CACNG4: variants seen among roughly 807,000 people sequenced by gnomAD.
The protein encoded by CACNG4 is calcium voltage-gated channel auxiliary subunit gamma 4.
A neutral mutation model predicts 22.9 loss-of-function variants in CACNG4; 8 were observed. That is an observed-to-expected ratio of 0.35 (90% CI 0.21 to 0.63). CACNG4 has a LOEUF of 0.63. Among genes scored for constraint, CACNG4 ranks in the 30% least tolerant of loss-of-function variants. The pLI is 0.72. For missense variants in CACNG4, 357 were observed against 455.4 expected, an observed-to-expected ratio of 0.78 and a Z score of 1.97; for synonymous variants, 188 against 191.9, an observed-to-expected ratio of 0.98 and a Z score of 0.17.
At chr17:66,988,632 C>T (rs569087319) in intron 1 of CACNG4, among the ~76,000 whole-genome samples, 1 of 152,222 alleles carries the variant, frequency 6.6e-6, no homozygotes, top group Non-Finnish European at 1.5e-5. Flanking sequence ...CTCATGGTCT[C>T]TGCTGCTCTC....
intron 3 of CACNG4, among the ~76,000 whole-genome samples, chr17:67,025,701 C>T (rs571070826): frequency 6.6e-6 from 1 of 152,388 alleles, no homozygotes; most frequent in East Asian, 1.9e-4. Context: ...TGACATGCCA[C>T]CTTGGCTGAA....
chr17:67,021,043 A>T (rs2035528420), intron 2 of CACNG4, among the ~76,000 whole-genome samples: 1 of 152,184 alleles, frequency 6.6e-6, no homozygotes, highest in Non-Finnish European at 1.5e-5. Flanking sequence ...TACAAAAAAT[A>T]AAAATAAATT....
rs151224615 is a variant in CACNG4, at chr17:67,026,517, A to G, written c.445+1517A>G. On this transcript the variant is annotated intron_variant, in intron 3 of 3. Coordinates refer to ENST00000262138, the MANE Select transcript of CACNG4 (RefSeq NM_014405.4). ...TGAGGAATGTGGTGTATGTGTGTGT[A>G]TTTGAGGACTGTGGGGTGTGTATGT... Among the ~76,000 whole-genome samples the G allele has an allele frequency of 1.0e-2, 1,070 of 107,222 alleles. 15 individuals are homozygous for G. The highest frequency in any genetic ancestry group is 0.046 in the African/African-American group (967 of 21,108). The allele number at this position is 107,222 out of a possible 152,430, so 70.3% of individuals were successfully genotyped here. A position where few individuals can be genotyped will look rare whatever the true frequency, so the allele number is the denominator to read the frequency against.
chr17:66,996,873 T>C (rs969003054), intron 1 of CACNG4, among the ~76,000 whole-genome samples: 2 of 152,198 alleles, frequency 1.3e-5, no homozygotes, highest in Admixed American at 1.3e-4. Context: ...GACAGGTCCC[T>C]GAGGGCTTCT....
chr17:67,030,662 G>T lies in CACNG4; in HGVS notation c.642G>T (p.Arg214Ser). The T allele has an allele frequency of 6.2e-7, 1 of 1,614,224 alleles. No homozygotes were observed. The highest frequency in any genetic ancestry group is 1.1e-5 in the South Asian group (1 of 91,084). ...NIYIEKNKEL[R>S]FKTKREFLKA... ...ACATTGAGAAAAATAAAGAGTTGAG[G>T]TTTAAGACCAAACGGGAATTCCTTA... is the stretch of plus-strand genomic sequence containing the variant. The change falls in exon 4 of 4, where the codon AGG becomes AGT. Residue 214 changes from arginine (R) to serine (S), a missense_variant. This residue lies in a region of CACNG4 where 240 missense variants were observed against 277.6 expected (regional missense o/e 0.86). Transcript: ENST00000262138. This position sits in a 1 kb window ranked among gnomAD's most constrained non-coding sequence, Gnocchi z 6.4.
chr17:66,980,295 A>G (rs928534230), intron 1 of CACNG4, among the ~76,000 whole-genome samples: 1 of 151,818 alleles, frequency 6.6e-6, no homozygotes, highest in African/African-American at 2.4e-5. Flanking sequence ...CCATGAAAGT[A>G]AGTGAGAAGG....
rs888839161 is a variant in CACNG4, at chr17:67,014,971, A to T, written c.221-3218A>T. Among the ~76,000 whole-genome samples the T allele has an allele frequency of 4.6e-5, 7 of 152,022 alleles. No homozygotes were observed. In the East Asian group the frequency reaches 9.7e-4, roughly 21 times the overall value. ...AAAAAAAAAAAAAAGAAAGAAAGAA[A>T]GAAATAGCTGAAGGTGTTGACTTAG... On this transcript the variant is annotated intron_variant, in intron 1 of 3. Coordinates refer to ENST00000262138, the MANE Select transcript of CACNG4 (RefSeq NM_014405.4).
chr17:67,018,109 C>A, intron 1 of CACNG4, 80 bp from the exon 2 acceptor site: 1 of 1,086,006 alleles, frequency 9.2e-7, no homozygotes, highest in Non-Finnish European at 1.4e-6. Flanking sequence ...GGCTCACACA[C>A]ATGGCAACCG....
At chr17:66,989,098 G>A (rs2035323229) in intron 1 of CACNG4, among the ~76,000 whole-genome samples, 1 of 145,982 alleles carries the variant, frequency 6.9e-6, no homozygotes. Flanking sequence ...AGAGTTAAAT[G>A]AGAAGAGAAA....
chr17:67,009,582 G>T (rs926352725), intron 1 of CACNG4, among the ~76,000 whole-genome samples: 15 of 152,138 alleles, frequency 9.9e-5, no homozygotes, highest in African/African-American at 3.4e-4. Context: ...AAAATATAGT[G>T]TATCTGTAGT....
intron 2 of CACNG4, chr17:67,020,143 C>G (rs1287943952): frequency 6.6e-6 from 1 of 152,388 alleles, no homozygotes; most frequent in Non-Finnish European, 1.5e-5. Flanking sequence ...TGTTGGGAAG[C>G]AATGCCACCC....
At chr17:67,013,930 C>T (rs935360380) in intron 1 of CACNG4, among the ~76,000 whole-genome samples, 1 of 152,240 alleles carries the variant, frequency 6.6e-6, no homozygotes, top group Non-Finnish European at 1.5e-5. Context: ...GCACACACCC[C>T]GTGCCTGTTA....
intron 1 of CACNG4, among the ~76,000 whole-genome samples, chr17:67,017,237 C>T (rs2035503835): frequency 6.6e-6 from 1 of 152,022 alleles, no homozygotes; most frequent in African/African-American, 2.4e-5. Flanking sequence ...CCACCACATT[C>T]AGCTAATTTT....
chr17:66,991,733 C>T (rs2035341660), intron 1 of CACNG4, among the ~76,000 whole-genome samples: 2 of 152,198 alleles, frequency 1.3e-5, no homozygotes, highest in African/African-American at 4.8e-5. Flanking sequence ...GTTCATGATT[C>T]TCTGATATGT....
chr17:67,026,736 GGT>G (rs2035570143), intron 3 of CACNG4, among the ~76,000 whole-genome samples: 1 of 151,348 alleles, frequency 6.6e-6, no homozygotes, highest in Admixed American at 6.6e-5. Flanking sequence ...TGAGGACTGT[GGT>G]GTGTTTGTGT....
intron 1 of CACNG4, among the ~76,000 whole-genome samples, chr17:66,987,699 G>A (rs988578947): frequency 6.6e-6 from 1 of 152,178 alleles, no homozygotes; most frequent in Admixed American, 6.5e-5. Context: ...TGCAGCAGCT[G>A]CAGAAACACT....
rs546076339 is a variant in CACNG4, at chr17:67,030,237, G to A, written c.446-229G>A. Among the ~76,000 whole-genome samples, 1 of 152,062 alleles carries A rather than the reference G, an allele frequency of 6.6e-6. No individual in the cohort carries two copies. Among genetic ancestry groups the A allele is most frequent in the Non-Finnish European group, 1.5e-5 (1 of 68,012 alleles). ...AGACAACAGTAGTTGCCTTAAAGAG[G>A]GGAACTGGGGGCTGAGAGTGTGTTT... is the stretch of plus-strand genomic sequence containing the variant. On this transcript the variant is annotated intron_variant, in intron 3 of 3. Transcript: ENST00000262138. The surrounding 1 kb of genome is among the most constrained non-coding windows in gnomAD (Gnocchi z 6.4).
intron 3 of CACNG4, among the ~76,000 whole-genome samples, chr17:67,029,444 A>C (rs7215802): frequency 0.14 from 21,613 of 151,050 alleles, 2,172 homozygotes; most frequent in African/African-American, 0.28. Flanking sequence ...AGCCTGACTA[A>C]CGTGATAAAA....
At chr17:66,991,537 T>C (rs1206651227) in intron 1 of CACNG4, among the ~76,000 whole-genome samples, 1 of 152,156 alleles carries the variant, frequency 6.6e-6, no homozygotes, top group Non-Finnish European at 1.5e-5. Context: ...ATTTAGCTGC[T>C]TGAGTCTGTT....
Sources: gnomAD v4.1 joint callset for allele counts (sites outside exome capture counted in the v4.1 genomes callset) on GRCh38, gnomAD v4.1.1 for gene constraint, gnomAD v4.1.1 regional missense constraint, Gnocchi (gnomAD v3.1) non-coding constraint, MANE v1.5 for transcripts, NCBI Gene and HGNC (gene_info 2026-07-23, HGNC 2026-07-21) for gene names.